Variants in RAB24 observed in about 807,000 individuals in gnomAD.
The protein encoded by RAB24 is RAB24, member RAS oncogene family.
In RAB24, 9 loss-of-function variants were observed where a neutral mutation model predicts 31.4. The ratio of observed to expected loss-of-function variants is 0.29; its 90% CI spans 0.17 to 0.50. The LOEUF is 0.50. Ranked by LOEUF, RAB24 falls within the 20% of genes least tolerant of loss-of-function variation. The pLI, the probability that RAB24 is intolerant of heterozygous loss-of-function variation, is 0.98. For synonymous variants in RAB24, 106 were observed against 94.1 expected (o/e 1.13, Z -0.73); for missense variants, 197 against 265.2 (o/e 0.74, Z 1.79).
chr5:177,302,322 A>G, intron 5 of RAB24, 75 bp downstream of exon 5: 1 of 1,579,058 alleles, frequency 6.3e-7, no homozygotes, highest in Non-Finnish European at 8.7e-7. Flanking sequence ...CTGGCAGCCA[A>G]GGCAGTCCCT....
rs760414518 is a variant in RAB24 at position 177,302,738 on chromosome 5, C to G, written c.265+14G>C. 2 of 1,159,994 alleles carry G rather than the reference C, an allele frequency of 1.7e-6. No homozygotes were observed. The highest frequency in any genetic ancestry group is 2.7e-5 in the East Asian group (1 of 36,374). The allele number at this position is 1,159,994 out of a possible 1,614,324, so 71.9% of individuals were successfully genotyped here. A position where few individuals can be genotyped will look rare whatever the true frequency, so the allele number is the denominator to read the frequency against. On this transcript the variant is annotated intron_variant, in intron 3 of 7. Transcript: ENST00000303251. The stretch of plus-strand genomic sequence containing the variant: ...CTTTTCTTGTGAGACAGCCCAAACC[C>G]CCCCCCCCCTTACCATAGCAGACGA...
intron 5 of RAB24, 56 bp from the exon 6 acceptor site, chr5:177,302,234 G>A: frequency 6.2e-7 from 1 of 1,600,474 alleles, no homozygotes; most frequent in Admixed American, 1.7e-5. Flanking sequence ...ACAGACAAAA[G>A]GGAGGGCTAG....
In RAB24 at chr5:177,302,374, C is replaced by G. The variant is rs373591253; in HGVS notation, c.433+23G>C. 51 of 1,611,462 alleles carry G rather than the reference C, an allele frequency of 3.2e-5. 1 individual carries two copies. The highest frequency in any genetic ancestry group is 1.6e-4 in the East Asian group (7 of 44,864). On this transcript the variant is annotated intron_variant, in intron 5 of 7. Transcript: ENST00000303251. ...CCAGACAGCCACACACCCCCACCCC[C>G]CAAAGGGCTGAGGAGCAGCTACTGT...
At chr5:177,302,552 G>A in intron 4 of RAB24, 25 bp downstream of exon 4, 1 of 1,614,126 alleles carries the variant, frequency 6.2e-7, no homozygotes, top group Middle Eastern at 1.6e-4. Flanking sequence ...AGCCCCTAGT[G>A]TTCTAGTGAG....
Position 177,303,118 on chromosome 5 carries a change from T to C in RAB24, c.118-41A>G. 1.2e-6 allele frequency: 2 copies of C among 1,613,306 alleles called. No homozygotes were observed. The highest frequency in any genetic ancestry group is 1.7e-6 in the Non-Finnish European group (2 of 1,179,596). The stretch of plus-strand genomic sequence containing the variant: ...AGAGATCGGGGCCATAGGTGCAGAT[T>C]ACCGGCCCCCCACTCCCCCGCCCAC... On this transcript the variant is annotated intron_variant, in intron 1 of 7. Coordinates refer to ENST00000303251, the MANE Select transcript of RAB24 (RefSeq NM_001031677.4). The surrounding 1 kb of genome is among the most constrained non-coding windows in gnomAD (Gnocchi z 6.1).
Position 177,302,208 on chromosome 5 carries a change from C to A in RAB24, c.434-30G>T, listed in dbSNP as rs749838594. The A allele has an allele frequency of 1.6e-5, 25 of 1,611,796 alleles. No homozygotes were observed. In the Admixed American group the frequency reaches 1.7e-4, roughly 11 times the overall value. On this transcript the variant is annotated intron_variant, in intron 5 of 7. Transcript: ENST00000303251. Reference sequence around the variant, plus strand: ...AAAGAGAAGTGACTAAAGCCTCATACCTGAGAATTAGATAAACAGACAAAA... The same window carrying A: ...AAAGAGAAGTGACTAAAGCCTCATAACTGAGAATTAGATAAACAGACAAAA...
In RAB24 at chr5:177,303,199, G is replaced by A. The variant is rs1240746681; in HGVS notation, c.90C>T (p.Asp30=). The part of the protein sequence containing the change: ...KTSLVERYVH[D]RFLVGPYQNT... ...TCTGATAAGGCCCCACCAGAAAGCG[G>A]TCGTGCACGTAGCGCTCCACCAGGC... The change falls in exon 1 of 8, where the codon GAC becomes GAT. Residue 30 remains aspartate (D), a synonymous_variant. Coordinates refer to ENST00000303251, the MANE Select transcript of RAB24 (RefSeq NM_001031677.4). The surrounding 1 kb of genome is among the most constrained non-coding windows in gnomAD (Gnocchi z 6.1). The A allele has an allele frequency of 7.4e-6, 12 of 1,613,798 alleles. No homozygotes were observed. Among genetic ancestry groups the A allele is most frequent in the Non-Finnish European group, 9.3e-6 (11 of 1,180,016 alleles).
At position 177,302,675 on chromosome 5, in the gene RAB24, G is replaced by A. The variant is rs747842084; in HGVS notation, c.266-31C>T. On this transcript the variant is annotated intron_variant, in intron 3 of 7. Coordinates refer to ENST00000303251, the MANE Select transcript of RAB24 (RefSeq NM_001031677.4). ...TGTGCGGCATGCAGGAGACAACCAA[G>A]TGGTCAAGGGCTGTTCTCTGGCTAG... The A allele has an allele frequency of 9.3e-6, 15 of 1,613,824 alleles. No individual in the cohort carries two copies. In the South Asian group the frequency reaches 1.5e-4, roughly 17 times the overall value.
At position 177,303,715 on chromosome 5, in the gene RAB24, T is replaced by G. The variant is rs1760772522; in HGVS notation, c.-427A>C. 2.7e-6 allele frequency: 1 copy of G among 368,672 alleles called. No individual in the cohort carries two copies. The highest frequency in any genetic ancestry group is 4.8e-6 in the Non-Finnish European group (1 of 207,214). 22.8% of individuals were successfully genotyped at this position (368,672 alleles called of 1,614,324 possible). On this transcript the variant is annotated 5_prime_UTR_variant, in exon 1 of 8. Transcript: ENST00000303251. The surrounding 1 kb of genome is among the most constrained non-coding windows in gnomAD (Gnocchi z 6.1). ...CGCCGCGACTCCCGCGGGAGGGGGC[T>G]AGAGGGCGAGGGGGCGGGGCCGCAA...
In RAB24 at chr5:177,301,966, G is replaced by GC; in HGVS notation, c.505dup (p.Ala169GlyfsTer92). 6.2e-7 allele frequency: 1 copy of GC among 1,614,226 alleles called. No individual in the cohort carries two copies. The highest frequency in any genetic ancestry group is 8.5e-7 in the Non-Finnish European group (1 of 1,180,024). On this transcript the variant is annotated frameshift_variant, in exon 7 of 8. Transcript: ENST00000303251. LOFTEE classifies it high-confidence loss of function. ...GGCAGCCACACTGACGTAATCCTCTGCCACTTTCTGGAAGAGCTCGTCTGG... is the reference window on the plus strand; with the variant it reads ...GGCAGCCACACTGACGTAATCCTCTGCCCACTTTCTGGAAGAGCTCGTCTGG...
chr5:177,302,345 C>G, intron 5 of RAB24, 52 bp downstream of exon 5: 1 of 1,599,900 alleles, frequency 6.3e-7, no homozygotes, highest in Non-Finnish European at 8.6e-7. Context: ...TTTCTTTGAT[C>G]CACCCAGACA....
At chr5:177,302,863 C>CACGT (rs1760728431) in intron 2 of RAB24, 33 bp from the exon 3 acceptor site, 1 of 1,609,166 alleles carries the variant, frequency 6.2e-7, no homozygotes, top group South Asian at 1.1e-5. Context: ...AACTTAAGGC[C>CACGT]ACGTTCTCCA....
At position 177,303,533 on chromosome 5, in the gene RAB24, C is replaced by A. The variant is rs1388606988; in HGVS notation, c.-245G>T. The A allele has an allele frequency of 1.7e-6, 1 of 583,664 alleles. No individual in the cohort carries two copies. The allele number at this position is 583,664 out of a possible 1,614,324, so 36.2% of individuals were successfully genotyped here. A position where few individuals can be genotyped will look rare whatever the true frequency, so the allele number is the denominator to read the frequency against. Reference sequence around the variant, plus strand: ...CCTTCGAAGACCCCAAGCCTCGGGGCGGCCTGGGAGCGCGCGGGACAGCGT... The same window carrying A: ...CCTTCGAAGACCCCAAGCCTCGGGGAGGCCTGGGAGCGCGCGGGACAGCGT... On this transcript the variant is annotated 5_prime_UTR_variant, in exon 1 of 8. Coordinates refer to ENST00000303251, the MANE Select transcript of RAB24 (RefSeq NM_001031677.4). The surrounding 1 kb of genome is among the most constrained non-coding windows in gnomAD (Gnocchi z 6.1).
intron 7 of RAB24, 33 bp downstream of exon 7, chr5:177,301,892 G>GT: frequency 1.2e-6 from 2 of 1,613,260 alleles, no homozygotes; most frequent in Non-Finnish European, 1.7e-6. Flanking sequence ...TGGGCCTAGA[G>GT]TAAGTCTCCA....
rs762460126 is a variant in RAB24, at chr5:177,301,996, A to T, written c.485-9T>A. 1 of 1,614,024 alleles carries T rather than the reference A, an allele frequency of 6.2e-7. No homozygotes were observed. The highest frequency in any genetic ancestry group is 1.1e-5 in the South Asian group (1 of 91,084). ...TTTCTGGAAGAGCTCGTCTGGCAGG[A>T]AAAATGATGATCAGCGAGGGCCCAA... On this transcript the variant is annotated splice_polypyrimidine_tract_variant and intron_variant, in intron 6 of 7. Transcript: ENST00000303251.
rs200131817 is a variant in RAB24 at position 177,303,189 on chromosome 5, C to A, written c.100G>T (p.Val34Leu). 3.2e-5 allele frequency: 51 copies of A among 1,613,780 alleles called. No individual in the cohort carries two copies. Among genetic ancestry groups the A allele is most frequent in the Non-Finnish European group, 4.3e-5 (51 of 1,180,004 alleles). The change falls in exon 1 of 8, where the codon GTG becomes TTG. Residue 34 changes from valine to leucine, a missense_variant. Coordinates refer to ENST00000303251, the MANE Select transcript of RAB24 (RefSeq NM_001031677.4). The surrounding 1 kb of genome is among the most constrained non-coding windows in gnomAD (Gnocchi z 6.1). ...VERYVHDRFL[V>L]GPYQNTIGAA... The stretch of plus-strand genomic sequence containing the variant: ...GCACTCACGTTCTGATAAGGCCCCA[C>A]CAGAAAGCGGTCGTGCACGTAGCGC...
chr5:177,302,717 T>C (rs1313994804), intron 3 of RAB24, 35 bp downstream of exon 3: 2 of 1,609,518 alleles, frequency 1.2e-6, no homozygotes, highest in East Asian at 4.5e-5. Context: ...ACCCATCTTT[T>C]CTTGTGAGAC....
rs1203873467 is a variant in RAB24, at chr5:177,303,574, ACG to A, written c.-288_-287del. The A allele has an allele frequency of 1.9e-6, 1 of 533,972 alleles. No homozygotes were observed. The highest frequency in any genetic ancestry group is 2.0e-5 in the African/African-American group (1 of 51,276). 33.1% of individuals were successfully genotyped at this position (533,972 alleles called of 1,614,324 possible). On this transcript the variant is annotated 5_prime_UTR_variant, in exon 1 of 8. Transcript: ENST00000303251. This position sits in a 1 kb window ranked among gnomAD's most constrained non-coding sequence, Gnocchi z 6.1. ...GGGACAGCGTCCTCAACAGCGCAGCACGCCGCCGTGCAGCTCGCTACTCCGTC... is the reference window on the plus strand; with the variant it reads ...GGGACAGCGTCCTCAACAGCGCAGCACCGCCGTGCAGCTCGCTACTCCGTC...
Position 177,301,975 on chromosome 5 carries a change from TG to T in RAB24, c.496del (p.Gln166ArgfsTer15). 1 of 1,614,220 alleles carries T rather than the reference TG, an allele frequency of 6.2e-7. No individual in the cohort carries two copies. Among genetic ancestry groups the T allele is most frequent in the Non-Finnish European group, 8.5e-7 (1 of 1,180,030 alleles). On this transcript the variant is annotated frameshift_variant, in exon 7 of 8. Coordinates refer to ENST00000303251, the MANE Select transcript of RAB24 (RefSeq NM_001031677.4). LOFTEE classifies it high-confidence loss of function. ...ACTGACGTAATCCTCTGCCACTTTC[TG>T]GAAGAGCTCGTCTGGCAGGAAAAAT... Reference protein sequence around the residue: ...KTGQSVDELFQKVAEDYVSVA... With the variant: ...KTGQSVDELFXKVAEDYVSVA...
Sources: gnomAD v4.1 joint callset for allele counts on GRCh38, gnomAD v4.1.1 for gene constraint, Gnocchi (gnomAD v3.1) non-coding constraint, MANE v1.5 for transcripts, NCBI Gene and HGNC (gene_info 2026-07-23, HGNC 2026-07-21) for gene names.